LRBA: variants seen among roughly 807,000 people sequenced by gnomAD.
LRBA encodes LPS responsive beige-like anchor protein, also known as lipopolysaccharide-responsive and beige-like anchor protein.
Under a neutral mutation model 330.0 loss-of-function variants are expected in LRBA, and 176 were observed. That is an observed-to-expected ratio of 0.53 (90% CI 0.47 to 0.60). LRBA has a LOEUF of 0.60. Among genes scored for constraint, LRBA ranks in the 20% least tolerant of loss-of-function variants. The pLI is 0.00. For synonymous variants in LRBA, 1,230 were observed against 1,193.0 expected (o/e 1.03, Z -0.64); for missense variants, 3,259 against 3,444.8 (o/e 0.95, Z 1.35).
chr4:150,575,679 G>A (rs967356948), intron 40 of LRBA, among the ~76,000 whole-genome samples: 33 of 151,832 alleles, frequency 2.2e-4, no homozygotes, highest in Admixed American at 4.6e-4. Context: ...CATAATCTAC[G>A]TCTCTAATTT....
chr4:150,376,016 T>C (rs1452601131), intron 47 of LRBA, among the ~76,000 whole-genome samples: 1 of 152,166 alleles, frequency 6.6e-6, no homozygotes, highest in African/African-American at 2.4e-5. Context: ...TAAGTATCTA[T>C]GGAATCCAGA....
intron 20 of LRBA, among the ~76,000 whole-genome samples, chr4:150,870,034 C>T (rs1017576586): frequency 6.6e-6 from 1 of 152,070 alleles, no homozygotes; most frequent in Non-Finnish European, 1.5e-5. Context: ...ATTTTAATAA[C>T]ATGATCTTAA....
At chr4:150,348,904 T>C (rs779743266) in intron 48 of LRBA, among the ~76,000 whole-genome samples, 1 of 152,198 alleles carries the variant, frequency 6.6e-6, no homozygotes, top group African/African-American at 2.4e-5. Context: ...ATACAGTCAA[T>C]TGATGTTCTG....
chr4:150,941,594 T>C (rs1735686503), intron 2 of LRBA, among the ~76,000 whole-genome samples: 1 of 152,268 alleles, frequency 6.6e-6, no homozygotes, highest in East Asian at 1.9e-4. Context: ...AACAAACATT[T>C]CTTATATAGT....
intron 44 of LRBA, among the ~76,000 whole-genome samples, chr4:150,445,377 C>CTATATA (rs10552819): frequency 8.9e-5 from 7 of 78,636 alleles, no homozygotes; most frequent in African/African-American, 1.3e-4. Flanking sequence ...CTCTCTCTCT[C>CTATATA]TATATATATA....
intron 37 of LRBA, among the ~76,000 whole-genome samples, chr4:150,662,212 A>G (rs535818451): frequency 1.1e-4 from 16 of 152,236 alleles, no homozygotes; most frequent in Non-Finnish European, 1.8e-4. Context: ...ATGAAAAATC[A>G]TGATTATTAT....
intron 33 of LRBA, among the ~76,000 whole-genome samples, chr4:150,801,363 CT>C (rs1389585337): frequency 6.6e-6 from 1 of 152,118 alleles, no homozygotes; most frequent in Non-Finnish European, 1.5e-5. Flanking sequence ...ATCATAAATT[CT>C]GGTTTTCCTT....
At chr4:150,610,593 AAAACAAAC>A (rs548234556) in intron 37 of LRBA, among the ~76,000 whole-genome samples, 47 of 152,156 alleles carry the variant, frequency 3.1e-4, no homozygotes, top group Admixed American at 5.9e-4. Flanking sequence ...CCATCACAAA[AAAACAAAC>A]AAACAAACAA....
chr4:150,898,492 C>A (rs931208435), intron 14 of LRBA, among the ~76,000 whole-genome samples: 2 of 151,980 alleles, frequency 1.3e-5, no homozygotes, highest in Admixed American at 1.3e-4. Flanking sequence ...AAGTTAGGGA[C>A]CTGTTTTCTC....
At chr4:150,793,252 A>G (rs777698436) in intron 34 of LRBA, among the ~76,000 whole-genome samples, 6 of 152,182 alleles carry the variant, frequency 3.9e-5, no homozygotes, top group Middle Eastern at 3.4e-3. Context: ...GCAGTGGACC[A>G]TGATTGCACC....
intron 2 of LRBA, among the ~76,000 whole-genome samples, chr4:150,962,678 GCA>G (rs1217605249): frequency 6.7e-6 from 1 of 148,794 alleles, no homozygotes; most frequent in Non-Finnish European, 1.5e-5. Flanking sequence ...TTTTGGCTGG[GCA>G]CAGTGGCTCG....
chr4:150,573,863 C>A (rs765622794), intron 40 of LRBA, among the ~76,000 whole-genome samples: 1 of 152,080 alleles, frequency 6.6e-6, no homozygotes, highest in Non-Finnish European at 1.5e-5. Flanking sequence ...AAACCACTTC[C>A]CTGCTTAGAT....
Position 150,648,829 on chromosome 4 carries a change from C to CTAGT in LRBA, c.5921+34721_5921+34722insACTA, listed in dbSNP as rs545010820. ...TGAGTTCTGCTGAGAGTATCCATCA[C>CTAGT]ACTATAGTTTCAAGTACAACTTCCT... On this transcript the variant is annotated intron_variant, in intron 37 of 56. Transcript: ENST00000651943. Among the ~76,000 whole-genome samples the CTAGT allele has an allele frequency of 2.0e-4, 30 of 152,218 alleles. 1 individual carries two copies. The South Asian group carries it at 5.6e-3, about 28-fold the overall frequency.
At chr4:150,806,081 C>T (rs994794200) in intron 33 of LRBA, among the ~76,000 whole-genome samples, 190 bp downstream of exon 33, 7 of 151,334 alleles carry the variant, frequency 4.6e-5, no homozygotes, top group African/African-American at 1.7e-4. Context: ...CCATCCAAAT[C>T]ACTGATAAAA....
At chr4:150,869,743 A>C (rs1225133093) in intron 20 of LRBA, among the ~76,000 whole-genome samples, 4 of 152,132 alleles carry the variant, frequency 2.6e-5, no homozygotes, top group Non-Finnish European at 5.9e-5. Context: ...TAAAACAAAA[A>C]AAAAAATTCT....
chr4:150,376,179 T>C (rs1166299184), intron 47 of LRBA, among the ~76,000 whole-genome samples: 1 of 152,176 alleles, frequency 6.6e-6, no homozygotes, highest in African/African-American at 2.4e-5. Flanking sequence ...ACCCCCACAC[T>C]GTGTCTAACT....
chr4:150,449,460 C>A (rs1255771863), intron 44 of LRBA, among the ~76,000 whole-genome samples: 1 of 150,842 alleles, frequency 6.6e-6, no homozygotes, highest in Non-Finnish European at 1.5e-5. Flanking sequence ...AACTGAGGAG[C>A]TACCCTATCC....
chr4:150,679,587 C>T (rs1040518998), intron 37 of LRBA: 1 of 152,118 alleles, frequency 6.6e-6, no homozygotes, highest in Non-Finnish European at 1.5e-5. Context: ...AAAGATTTTA[C>T]CGGCAAGCCT....
chr4:150,679,376 T>C (rs1782851924), intron 37 of LRBA, among the ~76,000 whole-genome samples: 1 of 152,210 alleles, frequency 6.6e-6, no homozygotes, highest in Non-Finnish European at 1.5e-5. Flanking sequence ...TGATAGTTTG[T>C]CCATTACAGG....
Sources: allele counts gnomAD v4.1 joint callset (sites outside exome capture counted in the v4.1 genomes callset), GRCh38; gene constraint gnomAD v4.1.1; transcripts MANE v1.5; gene names NCBI Gene and HGNC (gene_info 2026-07-23, HGNC 2026-07-21).